The following DENND5B variants were observed in gnomAD, a reference collection of about 807,000 sequenced individuals.
The protein encoded by DENND5B is DENN domain containing 5B.
DENND5B carries 34 observed loss-of-function variants against 140.6 expected under a neutral mutation model. The ratio of observed to expected loss-of-function variants is 0.24; its 90% CI spans 0.18 to 0.32. The LOEUF is 0.32. Ranked by LOEUF, DENND5B falls within the 10% of genes least tolerant of loss-of-function variation. The probability of loss-of-function intolerance (pLI) is 1.00; values close to 1 mark genes in which losing one functional copy is unlikely to be tolerated. For missense variants in DENND5B, 1,142 were observed against 1,560.2 expected, an observed-to-expected ratio of 0.73 and a Z score of 4.52; for synonymous variants, 551 against 562.1, an observed-to-expected ratio of 0.98 and a Z score of 0.28.
intron 11 of DENND5B, among the ~76,000 whole-genome samples, chr12:31,419,662 C>G (rs1274738956): frequency 6.6e-6 from 1 of 151,992 alleles, no homozygotes; most frequent in Non-Finnish European, 1.5e-5. Flanking sequence ...TGGGTTAGAT[C>G]CAGAATAACC....
chr12:31,389,467 G>A lies in DENND5B; in HGVS notation c.3498C>T (p.Asp1166=). 6.3e-7 allele frequency: 1 copy of A among 1,597,086 alleles called. No individual in the cohort carries two copies. Among genetic ancestry groups the A allele is most frequent in the Non-Finnish European group, 8.5e-7 (1 of 1,171,140 alleles). ...EKVVAYFETT[D]QILDNEDDVL... ...CATCATCTTCATTATCTAGAATCTG[G>A]TCAGTTGTTTCAAAATAAGCAACCA... The change falls in exon 20 of 21, where the codon GAC becomes GAT. Residue 1166 remains aspartate (D), a synonymous_variant. Transcript: ENST00000389082.
At chr12:31,424,990 A>G (rs1943171643) in intron 9 of DENND5B, among the ~76,000 whole-genome samples, 1 of 152,196 alleles carries the variant, frequency 6.6e-6, no homozygotes, top group African/African-American at 2.4e-5. Flanking sequence ...AACTTCTGTG[A>G]TATTGGGGAA....
intron 11 of DENND5B, among the ~76,000 whole-genome samples, chr12:31,416,692 T>C (rs933087614): frequency 6.6e-6 from 1 of 151,924 alleles, no homozygotes; most frequent in Non-Finnish European, 1.5e-5. Flanking sequence ...AATTAAACTC[T>C]TGAGTGTTTG....
chr12:31,474,135 G>A (rs1945683283), intron 3 of DENND5B, among the ~76,000 whole-genome samples: 1 of 152,178 alleles, frequency 6.6e-6, no homozygotes, highest in African/African-American at 2.4e-5. Context: ...AACTCAAAGA[G>A]GAATGAAACG....
In DENND5B at chr12:31,590,991, C is replaced by T. The variant is rs1171356969; in HGVS notation, c.-159G>A. 7.3e-6 allele frequency: 6 copies of T among 825,086 alleles called. No individual in the cohort carries two copies. The African/African-American group carries it at 1.1e-4, about 15-fold the overall frequency. 51.1% of individuals were successfully genotyped at this position (825,086 alleles called of 1,614,324 possible). A position where few individuals can be genotyped will look rare whatever the true frequency, so the allele number is the denominator to read the frequency against. On this transcript the variant is annotated 5_prime_UTR_variant, in exon 1 of 21. Transcript: ENST00000389082. ...CGCCTCTCGCCGCCGCAGCCTGCCT[C>T]CTCGCTCGGCGCGGGGGAAGCGGCC... is the stretch of plus-strand genomic sequence containing the variant.
intron 1 of DENND5B, among the ~76,000 whole-genome samples, chr12:31,577,749 G>C (rs1411742624): frequency 2.0e-5 from 3 of 147,026 alleles, no homozygotes; most frequent in Non-Finnish European, 4.5e-5. Context: ...TTTAAACTGG[G>C]TTTCACAGTT....
intron 1 of DENND5B, among the ~76,000 whole-genome samples, chr12:31,562,615 TA>T (rs887987167): frequency 3.8e-4 from 55 of 146,318 alleles, no homozygotes; most frequent in African/African-American, 8.8e-4. Context: ...ACTCTGTCTT[TA>T]AAAAAAAAAA....
chr12:31,497,721 C>G (rs912731847), intron 1 of DENND5B, among the ~76,000 whole-genome samples: 1 of 137,582 alleles, frequency 7.3e-6, no homozygotes, highest in Admixed American at 7.7e-5. Context: ...CACTTGAGAC[C>G]AGCAACATAG....
chr12:31,590,639 C>A, intron 1 of DENND5B, 67 bp downstream of exon 1: 1 of 1,380,756 alleles, frequency 7.2e-7, no homozygotes, highest in Admixed American at 3.5e-5. Flanking sequence ...ACCCCGCCTC[C>A]CGCGCGTCCC....
chr12:31,487,960 T>A (rs1231613208), intron 2 of DENND5B, among the ~76,000 whole-genome samples: 1 of 152,094 alleles, frequency 6.6e-6, no homozygotes, highest in Non-Finnish European at 1.5e-5. Flanking sequence ...TGTAATTCTT[T>A]TTTTGTCTTT....
intron 1 of DENND5B, chr12:31,499,513 C>T (rs1946923222): frequency 9.3e-7 from 1 of 1,078,138 alleles, no homozygotes; most frequent in Admixed American, 3.8e-5. Context: ...TCTGACCAAG[C>T]AAAACTGAAT....
chr12:31,437,444 C>A (rs1943830143), intron 7 of DENND5B, among the ~76,000 whole-genome samples: 1 of 152,042 alleles, frequency 6.6e-6, no homozygotes, highest in African/African-American at 2.4e-5. Context: ...ATCATCTGCC[C>A]CTTGTATAAA....
chr12:31,525,745 C>T (rs561802840), intron 1 of DENND5B, among the ~76,000 whole-genome samples: 1 of 152,272 alleles, frequency 6.6e-6, no homozygotes, highest in African/African-American at 2.4e-5. Flanking sequence ...AATCCCAGCA[C>T]TTTGGGAGGC....
chr12:31,557,209 T>A (rs891897453), intron 1 of DENND5B, among the ~76,000 whole-genome samples: 2 of 152,116 alleles, frequency 1.3e-5, no homozygotes, highest in African/African-American at 4.8e-5. Context: ...TAAAGTTAAT[T>A]ATACAGGCAT....
chr12:31,404,759 C>CT (rs71062425), intron 14 of DENND5B, among the ~76,000 whole-genome samples: 1 of 74,064 alleles, frequency 1.4e-5, no homozygotes, highest in African/African-American at 5.1e-5. Context: ...CGACCTCTAG[C>CT]TTTTTTTTTT....
chr12:31,545,930 G>A (rs996075780), intron 1 of DENND5B, among the ~76,000 whole-genome samples: 1 of 97,006 alleles, frequency 1.0e-5, no homozygotes, highest in Non-Finnish European at 1.9e-5. Context: ...CAGTATGGGT[G>A]AGAGAGTAAG....
In DENND5B at chr12:31,386,575, A is replaced by ATTTGT. The variant is rs1174580926; in HGVS notation, c.*1027_*1028insACAAA. 2.6e-5 allele frequency: 4 copies of ATTTGT among 152,308 alleles called. No homozygotes were observed. Among genetic ancestry groups the ATTTGT allele is most frequent in the African/African-American group, 9.6e-5 (4 of 41,556 alleles). The allele number at this position is 152,308 out of a possible 1,614,324, so 9.4% of individuals were successfully genotyped here. A position where few individuals can be genotyped will look rare whatever the true frequency, so the allele number is the denominator to read the frequency against. ...ATTATCATGGTCAACAAATGCTTTC[A>ATTTGT]CAAAAACATTCCAAGCCACACACAG... On this transcript the variant is annotated 3_prime_UTR_variant, in exon 21 of 21. Transcript: ENST00000389082.
chr12:31,408,035 C>T (rs965106551), intron 14 of DENND5B, among the ~76,000 whole-genome samples: 11 of 152,214 alleles, frequency 7.2e-5, no homozygotes, highest in Non-Finnish European at 1.5e-4. Flanking sequence ...GTGGCTCACA[C>T]CTGTAATCCT....
At chr12:31,414,952 A>G (rs540966372) in intron 12 of DENND5B, among the ~76,000 whole-genome samples, 123 of 149,652 alleles carry the variant, frequency 8.2e-4, no homozygotes, top group Non-Finnish European at 1.3e-3. Flanking sequence ...TGTCTCTACT[A>G]AAAATCAAAA....
Sources: gnomAD v4.1 joint callset for allele counts (sites outside exome capture counted in the v4.1 genomes callset) on GRCh38, gnomAD v4.1.1 for gene constraint, MANE v1.5 for transcripts, NCBI Gene and HGNC (gene_info 2026-07-23, HGNC 2026-07-21) for gene names.